STEAP2: variants seen among roughly 807,000 people sequenced by gnomAD.
STEAP2 encodes STEAP2 metalloreductase.
Under a neutral mutation model 46.4 loss-of-function variants are expected in STEAP2, and 30 were observed. The observed-to-expected ratio is 0.65, with a 90% CI of 0.48 to 0.88. The LOEUF is 0.88. Among genes scored for constraint, STEAP2 ranks in the 40% least tolerant of loss-of-function variants. STEAP2 has a pLI of 0.00. For synonymous variants in STEAP2, 180 were observed against 200.5 expected (o/e 0.90, Z 0.86); for missense variants, 513 against 579.3 (o/e 0.89, Z 1.18).
At chr7:90,215,615 T>C (rs1794982417) in intron 1 of STEAP2, 1 of 152,204 alleles carries the variant, frequency 6.6e-6, no homozygotes. Context: ...TCAAGACTTA[T>C]TTAGTGTTGG....
At position 90,226,855 on chromosome 7, in the gene STEAP2, A is replaced by G. The variant is rs1007048151; in HGVS notation, c.493-116A>G. On this transcript the variant is annotated intron_variant, in intron 3 of 5. Transcript: ENST00000394621. ...GATACTATAATATAGCTGAAAATTC[A>G]ACAAGTATTTATTCCTCAAGGTCAT... 7.8e-6 allele frequency: 8 copies of G among 1,026,174 alleles called. No individual in the cohort carries two copies. In the South Asian group the frequency reaches 1.0e-4, roughly 13 times the overall value. 63.6% of individuals were successfully genotyped at this position (1,026,174 alleles called of 1,614,324 possible). A position where few individuals can be genotyped will look rare whatever the true frequency, so the allele number is the denominator to read the frequency against.
chr7:90,215,561 A>G (rs1472251804), intron 1 of STEAP2: 1 of 152,194 alleles, frequency 6.6e-6, no homozygotes, highest in Admixed American at 6.5e-5. Context: ...CCCGAAGTTG[A>G]AGTGTTAAAT....
chr7:90,228,071 GC>G (rs1261394405), intron 4 of STEAP2, among the ~76,000 whole-genome samples: 2 of 151,998 alleles, frequency 1.3e-5, no homozygotes, highest in Non-Finnish European at 2.9e-5. Flanking sequence ...CACAGGTGAA[GC>G]TTTTCTAGCA....
downstream of STEAP2, among the ~76,000 whole-genome samples, chr7:90,241,434 CA>C (rs1796059545): frequency 2.6e-5 from 4 of 152,108 alleles, no homozygotes; most frequent in Admixed American, 2.6e-4. Context: ...GGCTTCAAAT[CA>C]AAATAAAAAG....
intron 3 of STEAP2, among the ~76,000 whole-genome samples, chr7:90,226,517 A>G (rs1584240508): frequency 6.6e-6 from 1 of 152,174 alleles, no homozygotes; most frequent in East Asian, 1.9e-4. Flanking sequence ...ATTCATTCAA[A>G]TAGGATTTGT....
chr7:90,222,824 A>G (rs1480895385), intron 2 of STEAP2, among the ~76,000 whole-genome samples: 1 of 152,184 alleles, frequency 6.6e-6, no homozygotes, highest in African/African-American at 2.4e-5. Context: ...AGTCATTTCA[A>G]ATTTCATTTA....
intron 2 of STEAP2, among the ~76,000 whole-genome samples, chr7:90,224,730 A>T (rs1403973010): frequency 1.3e-5 from 2 of 152,166 alleles, no homozygotes; most frequent in Admixed American, 1.3e-4. Flanking sequence ...TCCCTCCAGA[A>T]CTACTCAATC....
In STEAP2 at chr7:90,234,836, G is replaced by T. The variant is rs945998611; in HGVS notation, c.*2212G>T. 1.1e-4 allele frequency: 111 copies of T among 983,562 alleles called. No homozygotes were observed. Among genetic ancestry groups the T allele is most frequent in the Non-Finnish European group, 1.3e-4 (107 of 828,430 alleles). 60.9% of individuals were successfully genotyped at this position (983,562 alleles called of 1,614,324 possible). ...CAAAGTGCTGGGATTACAGGTGTGA[G>T]CTACCGCGCCCGGCCTATTATCTTG... On this transcript the variant is annotated 3_prime_UTR_variant, in exon 6 of 6. Transcript: ENST00000394621.
In STEAP2 at chr7:90,225,154, T is replaced by C. The variant is rs761011738; in HGVS notation, c.72T>C (p.Gly24=). 18 of 1,613,846 alleles carry C rather than the reference T, an allele frequency of 1.1e-5. No individual in the cohort carries two copies. Among genetic ancestry groups the C allele is most frequent in the Non-Finnish European group, 1.4e-5 (17 of 1,179,926 alleles). ...SETFLPNGIN[G]IKDARKVTVG... is the part of the protein sequence containing the mutation. ...CTTTTTTACCTAATGGCATAAATGG[T>C]ATCAAAGATGCAAGGAAGGTCACTG... The change falls in exon 3 of 6, where the codon GGT becomes GGC. Residue 24 remains glycine (G), a synonymous_variant. Coordinates refer to ENST00000394621, the MANE Select transcript of STEAP2 (RefSeq NM_001244944.2).
intron 1 of STEAP2, among the ~76,000 whole-genome samples, chr7:90,214,550 C>T (rs1038163407): frequency 4.6e-5 from 7 of 152,028 alleles, no homozygotes. Flanking sequence ...CCTTCACCAA[C>T]GTGGATACAG....
Position 90,227,423 on chromosome 7 carries a change from C to G in STEAP2, c.945C>G (p.Val315=), listed in dbSNP as rs752714437. The part of the protein sequence containing the change: ...LGLLSFFFAM[V]HVAYSLCLPM... ...TACTAAGTTTTTTCTTCGCTATGGTCCATGTTGCCTACAGCCTCTGCTTAC... is the reference window on the plus strand; with the variant it reads ...TACTAAGTTTTTTCTTCGCTATGGTGCATGTTGCCTACAGCCTCTGCTTAC... The change falls in exon 4 of 6, where the codon GTC becomes GTG. Residue 315 remains valine (V), a synonymous_variant. Coordinates refer to ENST00000394621, the MANE Select transcript of STEAP2 (RefSeq NM_001244944.2). 6.8e-6 allele frequency: 11 copies of G among 1,611,712 alleles called. No individual in the cohort carries two copies. The East Asian group carries it at 1.8e-4, about 26-fold the overall frequency.
At chr7:90,218,471 A>G (rs771961309) in intron 2 of STEAP2, among the ~76,000 whole-genome samples, 2 of 152,060 alleles carry the variant, frequency 1.3e-5, no homozygotes, top group Non-Finnish European at 2.9e-5. Flanking sequence ...GTCCAGTTTT[A>G]TTCTTCTGCA....
In STEAP2 at chr7:90,234,746, A is replaced by G. The variant is rs574461736; in HGVS notation, c.*2122A>G. 116 of 511,928 alleles carry G rather than the reference A, an allele frequency of 2.3e-4. No homozygotes were observed. The highest frequency in any genetic ancestry group is 6.0e-4 in the East Asian group (4 of 6,676). 31.7% of individuals were successfully genotyped at this position (511,928 alleles called of 1,614,324 possible). On this transcript the variant is annotated 3_prime_UTR_variant, in exon 6 of 6. Transcript: ENST00000394621. ...CTTTTTGTATTTTTAGTAGAGACGG[A>G]GTTTCACCGTGTTAGCCAGGATGGT...
rs1002745586 is a variant in STEAP2 at position 90,233,039 on chromosome 7, TA to T, written c.*420del. Reference sequence around the variant, plus strand: ...AGATTAAGATTTTAATTATTCAACTTAAAAAGTAGAAATGCATTATTATACA... The same window carrying T: ...AGATTAAGATTTTAATTATTCAACTTAAAAGTAGAAATGCATTATTATACA... On this transcript the variant is annotated 3_prime_UTR_variant, in exon 6 of 6. Coordinates refer to ENST00000394621, the MANE Select transcript of STEAP2 (RefSeq NM_001244944.2). The T allele has an allele frequency of 2.1e-6, 2 of 970,888 alleles. No homozygotes were observed. Among genetic ancestry groups the T allele is most frequent in the African/African-American group, 3.5e-5 (2 of 56,896 alleles). The allele number at this position is 970,888 out of a possible 1,614,324, so 60.1% of individuals were successfully genotyped here. A position where few individuals can be genotyped will look rare whatever the true frequency, so the allele number is the denominator to read the frequency against.
In STEAP2 at chr7:90,225,141, A is replaced by G. The variant is rs1335118752; in HGVS notation, c.59A>G (p.Asn20Ser). ...PKSLSETFLP[N>S]GINGIKDARK... ...AGCCTTAGTGAAACTTTTTTACCTA[A>G]TGGCATAAATGGTATCAAAGATGCA... The change falls in exon 3 of 6, where the codon AAT (asparagine) becomes AGT (serine). Residue 20 changes from asparagine to serine, a missense_variant. By Grantham distance (46) the Asn-to-Ser change is conservative (BLOSUM62 1). Transcript: ENST00000394621. 3.1e-6 allele frequency: 5 copies of G among 1,613,902 alleles called. No homozygotes were observed. Among genetic ancestry groups the G allele is most frequent in the Non-Finnish European group, 3.4e-6 (4 of 1,179,884 alleles).
chr7:90,230,847 G>GTT (rs561205263), intron 5 of STEAP2, among the ~76,000 whole-genome samples: 2 of 143,408 alleles, frequency 1.4e-5, no homozygotes, highest in Admixed American at 7.0e-5. Context: ...TTATTTGCTT[G>GTT]TTTTTTTTTT....
intron 2 of STEAP2, among the ~76,000 whole-genome samples, chr7:90,220,048 TGA>T (rs1197381287): frequency 1.3e-5 from 2 of 152,188 alleles, no homozygotes; most frequent in African/African-American, 4.8e-5. Context: ...AGTATTTTGT[TGA>T]GAGTTTTTGT....
intron 4 of STEAP2, among the ~76,000 whole-genome samples, chr7:90,229,608 G>A (rs1025937057): frequency 1.3e-5 from 2 of 152,106 alleles, no homozygotes; most frequent in Admixed American, 6.6e-5. Flanking sequence ...CTGTAATGAT[G>A]ATGGCAAAGC....
At chr7:90,219,684 A>G (rs1045635557) in intron 2 of STEAP2, among the ~76,000 whole-genome samples, 1 of 151,672 alleles carries the variant, frequency 6.6e-6, no homozygotes, top group Admixed American at 6.6e-5. Flanking sequence ...TGTTTTTTTT[A>G]TGAGTTGTTA....
Sources: gnomAD v4.1 joint callset for allele counts (sites outside exome capture counted in the v4.1 genomes callset) on GRCh38, gnomAD v4.1.1 for gene constraint, MANE v1.5 for transcripts, NCBI Gene and HGNC (gene_info 2026-07-23, HGNC 2026-07-21) for gene names.